OSBPL3: variants seen among roughly 807,000 people sequenced by gnomAD.
The protein encoded by OSBPL3 is oxysterol binding protein like 3.
Under a neutral mutation model 120.1 loss-of-function variants are expected in OSBPL3, and 65 were observed. The ratio of observed to expected loss-of-function variants is 0.54; its 90% CI spans 0.44 to 0.67. OSBPL3 has a LOEUF of 0.67. Among genes scored for constraint, OSBPL3 ranks in the 30% least tolerant of loss-of-function variants. The pLI is 0.00. For synonymous variants in OSBPL3, 416 were observed against 402.6 expected (o/e 1.03, Z -0.40); for missense variants, 1,004 against 1,082.1 (o/e 0.93, Z 1.01).
In OSBPL3 at chr7:24,922,165, G is replaced by A. The variant is rs1404932445; in HGVS notation, c.-149-29544C>T. Among the ~76,000 whole-genome samples the A allele has an allele frequency of 6.6e-6, 1 of 152,136 alleles. No individual in the cohort carries two copies. On this transcript the variant is annotated intron_variant, in intron 1 of 22. Coordinates refer to ENST00000313367, the MANE Select transcript of OSBPL3 (RefSeq NM_015550.4). This position sits in a 1 kb window ranked among gnomAD's most constrained non-coding sequence, Gnocchi z 4.3. ...GACGGGGATTAACAGGATTGGCCTGGCCTCAGAAAAGACATTATTTAGGTG... is the reference window on the plus strand; with the variant it reads ...GACGGGGATTAACAGGATTGGCCTGACCTCAGAAAAGACATTATTTAGGTG...
In OSBPL3 at chr7:24,831,466, C is replaced by CT. The variant is rs1584284471; in HGVS notation, c.1747-562dup. Reference sequence around the variant, plus strand: ...AGGATATAGTGACTTTAAAGTTCTGCTTTTTTGGGAGGAAAAGTGAAACAT... The same window carrying CT: ...AGGATATAGTGACTTTAAAGTTCTGCTTTTTTTGGGAGGAAAAGTGAAACAT... On this transcript the variant is annotated intron_variant, in intron 15 of 22. Coordinates refer to ENST00000313367, the MANE Select transcript of OSBPL3 (RefSeq NM_015550.4). This position sits in a 1 kb window ranked among gnomAD's most constrained non-coding sequence, Gnocchi z 4.0. Among the ~76,000 whole-genome samples, 2 of 151,716 alleles carry CT rather than the reference C, an allele frequency of 1.3e-5. No individual in the cohort carries two copies. The highest frequency in any genetic ancestry group is 2.4e-5 in the African/African-American group (1 of 41,282).
chr7:24,980,703 A>G (rs1056232936), upstream of OSBPL3, among the ~76,000 whole-genome samples: 12 of 152,016 alleles, frequency 7.9e-5, no homozygotes, highest in African/African-American at 2.7e-4. Flanking sequence ...CACTCTAGGC[A>G]CGAGATGACA....
At chr7:24,908,949 C>T (rs1216282765) in intron 1 of OSBPL3, among the ~76,000 whole-genome samples, 2 of 152,252 alleles carry the variant, frequency 1.3e-5, no homozygotes, top group Non-Finnish European at 2.9e-5. Flanking sequence ...GGCTTATCAA[C>T]ACTATCTGTG....
At position 24,817,845 on chromosome 7, in the gene OSBPL3, G is replaced by C. The variant is rs1023491897; in HGVS notation, c.1949-1157C>G. Among the ~76,000 whole-genome samples, 3 of 152,190 alleles carry C rather than the reference G, an allele frequency of 2.0e-5. No individual in the cohort carries two copies. The highest frequency in any genetic ancestry group is 7.2e-5 in the African/African-American group (3 of 41,438). On this transcript the variant is annotated intron_variant, in intron 17 of 22. Transcript: ENST00000313367. This position sits in a 1 kb window ranked among gnomAD's most constrained non-coding sequence, Gnocchi z 4.0. ...GACAAGTTAGATACAGACTGAAAAA[G>C]AACGAATTTATGAACAATGTCAGAT...
intron 1 of OSBPL3, among the ~76,000 whole-genome samples, chr7:24,976,029 C>G (rs990589372): frequency 6.6e-6 from 1 of 152,126 alleles, no homozygotes; most frequent in East Asian, 1.9e-4. Context: ...TCTGCTGGAT[C>G]GTGACTTTAG....
At position 24,819,331 on chromosome 7, in the gene OSBPL3, A is replaced by G. The variant is rs1338995884; in HGVS notation, c.1948+844T>C. Among the ~76,000 whole-genome samples the G allele has an allele frequency of 1.3e-5, 2 of 152,090 alleles. No homozygotes were observed. The highest frequency in any genetic ancestry group is 4.8e-5 in the African/African-American group (2 of 41,410). ...GCATGAGTGAGATTTACCAATTAGG[A>G]GGCTAGGAACCTTATGAGAATATTT... On this transcript the variant is annotated intron_variant, in intron 17 of 22. Coordinates refer to ENST00000313367, the MANE Select transcript of OSBPL3 (RefSeq NM_015550.4). The surrounding 1 kb of genome is among the most constrained non-coding windows in gnomAD (Gnocchi z 4.1).
At chr7:24,943,908 C>T (rs1037868463) in intron 1 of OSBPL3, among the ~76,000 whole-genome samples, 1 of 152,034 alleles carries the variant, frequency 6.6e-6, no homozygotes, top group East Asian at 1.9e-4. Flanking sequence ...GTGAAATTTA[C>T]TTATGTTTCA....
rs764837627 is a variant in OSBPL3 at position 24,912,004 on chromosome 7, T to C, written c.-149-19383A>G. Among the ~76,000 whole-genome samples the C allele has an allele frequency of 3.3e-4, 50 of 152,202 alleles. No homozygotes were observed. The highest frequency in any genetic ancestry group is 4.0e-4 in the Non-Finnish European group (27 of 68,036). ...ATTTTATTCTCTCCAGTAGAGTGTA[T>C]AGATCAAAAGCAATTTGAAGACTGT... is the stretch of plus-strand genomic sequence containing the variant. On this transcript the variant is annotated intron_variant, in intron 1 of 22. Coordinates refer to ENST00000313367, the MANE Select transcript of OSBPL3 (RefSeq NM_015550.4). The surrounding 1 kb of genome is among the most constrained non-coding windows in gnomAD (Gnocchi z 4.5).
intron 2 of OSBPL3, 35 bp downstream of exon 2, chr7:24,892,342 T>G: frequency 6.2e-7 from 1 of 1,602,712 alleles, no homozygotes; most frequent in South Asian, 1.1e-5. Flanking sequence ...ATGGCTTACA[T>G]TTGCATATTA....
rs779291243 is a variant in OSBPL3, at chr7:24,861,768, A to G, written c.872T>C (p.Val291Ala). 2.4e-5 allele frequency: 38 copies of G among 1,578,368 alleles called. No homozygotes were observed. The highest frequency in any genetic ancestry group is 1.7e-5 in the Non-Finnish European group (20 of 1,163,036). The change falls in exon 10 of 23, where the codon GTC (valine) becomes GCC (alanine). Residue 291 changes from valine to alanine, a missense_variant and splice_region_variant. This residue lies in a region of OSBPL3 where 272 missense variants were observed against 248.8 expected (regional missense o/e 1.09). Coordinates refer to ENST00000313367, the MANE Select transcript of OSBPL3 (RefSeq NM_015550.4). Reference sequence around the variant, plus strand: ...TACTGGGCCAGAAAAAGGTTTCGGGACCTGAAGTAACACCAAAGGGAGATA... The same window carrying G: ...TACTGGGCCAGAAAAAGGTTTCGGGGCCTGAAGTAACACCAAAGGGAGATA... ...IGKDAKGTLQ[V>A]PKPFSGPVRL...
rs1029654419 is a variant in OSBPL3 at position 24,854,060 on chromosome 7, C to A, written c.1028-1426G>T. On this transcript the variant is annotated intron_variant, in intron 10 of 22. Coordinates refer to ENST00000313367, the MANE Select transcript of OSBPL3 (RefSeq NM_015550.4). This position sits in a 1 kb window ranked among gnomAD's most constrained non-coding sequence, Gnocchi z 4.1. ...ACTGAAGTTTTAAAAAACATTAACA[C>A]ATACAGCACACACACACACACAAAT... Among the ~76,000 whole-genome samples, 3 of 152,100 alleles carry A rather than the reference C, an allele frequency of 2.0e-5. No homozygotes were observed. Among genetic ancestry groups the A allele is most frequent in the African/African-American group, 7.2e-5 (3 of 41,404 alleles).
At chr7:24,909,783 C>CTTTTTTTTTTTTTTT (rs10591188) in intron 1 of OSBPL3, among the ~76,000 whole-genome samples, 3 of 77,294 alleles carry the variant, frequency 3.9e-5, no homozygotes, top group African/African-American at 5.4e-5. Context: ...TTTTTTCTTT[C>CTTTTTTTTTTTTTTT]TTTTTTTTTT....
intron 1 of OSBPL3, among the ~76,000 whole-genome samples, chr7:24,957,525 T>C (rs1815214544): frequency 1.3e-5 from 2 of 152,176 alleles, no homozygotes; most frequent in Admixed American, 6.5e-5. Flanking sequence ...ATGTCTCCAA[T>C]CACTACGCTT....
In OSBPL3 at chr7:24,967,228, T is replaced by C. The variant is rs1816494043; in HGVS notation, c.-150+12658A>G. On this transcript the variant is annotated intron_variant, in intron 1 of 22. Coordinates refer to ENST00000313367, the MANE Select transcript of OSBPL3 (RefSeq NM_015550.4). This position sits in a 1 kb window ranked among gnomAD's most constrained non-coding sequence, Gnocchi z 5.6. ...ACTACCAGTTGAACTGATTAACACA[T>C]ATTCCCTTGCTCAAAACATTCTGTG... Among the ~76,000 whole-genome samples the C allele has an allele frequency of 6.6e-6, 1 of 152,198 alleles. No homozygotes were observed. Among genetic ancestry groups the C allele is most frequent in the South Asian group, 2.1e-4 (1 of 4,830 alleles).
rs180747278 is a variant in OSBPL3, at chr7:24,922,488, T to C, written c.-149-29867A>G. 7.9e-5 allele frequency among the ~76,000 whole-genome samples: 12 copies of C among 152,322 alleles called. No individual in the cohort carries two copies. Among genetic ancestry groups the C allele is most frequent in the African/African-American group, 2.9e-4 (12 of 41,568 alleles). On this transcript the variant is annotated intron_variant, in intron 1 of 22. Transcript: ENST00000313367. The surrounding 1 kb of genome is among the most constrained non-coding windows in gnomAD (Gnocchi z 4.3). The stretch of plus-strand genomic sequence containing the variant: ...CTGTGGTGCTTTTAGAGTTTGATTC[T>C]AGAAACATGACTTTCTCATTAAACA...
At chr7:24,969,541 C>A (rs1816769681) in intron 1 of OSBPL3, among the ~76,000 whole-genome samples, 1 of 151,998 alleles carries the variant, frequency 6.6e-6, no homozygotes, top group South Asian at 2.1e-4. Flanking sequence ...GATTTTTCAT[C>A]TTATTATTAA....
intron 7 of OSBPL3, 109 bp downstream of exon 7, chr7:24,865,233 G>A (rs1801142067): frequency 1.9e-5 from 22 of 1,145,294 alleles, no homozygotes; most frequent in South Asian, 1.5e-4. Flanking sequence ...AATATGGAAG[G>A]GAATGTGGAC....
intron 16 of OSBPL3, among the ~76,000 whole-genome samples, chr7:24,826,909 G>A (rs564245398): frequency 1.2e-4 from 18 of 152,098 alleles, no homozygotes; most frequent in Admixed American, 9.2e-4. Flanking sequence ...TCACCACCTC[G>A]AACATCCACA....
At position 24,811,643 on chromosome 7, in the gene OSBPL3, T is replaced by G. The variant is rs577453995; in HGVS notation, c.2173-1692A>C. 5.9e-5 allele frequency among the ~76,000 whole-genome samples: 9 copies of G among 152,380 alleles called. No homozygotes were observed. In the East Asian group the frequency reaches 1.5e-3, roughly 26 times the overall value. ...TGAGTAGTTCTACAGTTTCAGGTCTTGCTGTAAGTCTTTAGTCCTTTTGAG... is the reference window on the plus strand; with the variant it reads ...TGAGTAGTTCTACAGTTTCAGGTCTGGCTGTAAGTCTTTAGTCCTTTTGAG... On this transcript the variant is annotated intron_variant, in intron 19 of 22. Coordinates refer to ENST00000313367, the MANE Select transcript of OSBPL3 (RefSeq NM_015550.4).
Sources: allele counts gnomAD v4.1 joint callset (sites outside exome capture counted in the v4.1 genomes callset), GRCh38; gene constraint gnomAD v4.1.1; regional missense constraint gnomAD v4.1.1; non-coding constraint Gnocchi (gnomAD v3.1); transcripts MANE v1.5; gene names NCBI Gene and HGNC (gene_info 2026-07-23, HGNC 2026-07-21).